RAB38: variants seen among roughly 807,000 people sequenced by gnomAD.
The protein encoded by RAB38 is ras-related protein Rab-38.
In RAB38, 15 loss-of-function variants were observed where a neutral mutation model predicts 18.4. The observed-to-expected ratio is 0.82, with a 90% CI of 0.55 to 1.26. The LOEUF (loss-of-function observed/expected upper bound fraction) is 1.26, where lower values mean the gene tolerates loss of function less well. Ranked by LOEUF, RAB38 falls within the 50% of genes most tolerant of loss-of-function variation. The pLI is 0.00. For missense variants in RAB38, 294 were observed against 267.4 expected, an observed-to-expected ratio of 1.10 and a Z score of -0.69; for synonymous variants, 101 against 104.4, an observed-to-expected ratio of 0.97 and a Z score of 0.20.
the RAB38 span, among the ~76,000 whole-genome samples, chr11:87,924,032 G>GAC: frequency 0.041 from 6,117 of 148,876 alleles, 201 homozygotes; most frequent in East Asian, 0.21. Flanking sequence ...AGTAAATACA[G>GAC]ACACACACAC....
At chr11:88,029,066 G>A in the RAB38 span, among the ~76,000 whole-genome samples, 1 of 151,878 alleles carries the variant, frequency 6.6e-6, no homozygotes, top group African/African-American at 2.4e-5. Flanking sequence ...GAGAGTGGGG[G>A]CCAATATTCA....
the RAB38 span, among the ~76,000 whole-genome samples, chr11:87,866,920 C>G: frequency 1.3e-5 from 2 of 151,770 alleles, no homozygotes; most frequent in Admixed American, 1.3e-4. Context: ...TACCAAACAC[C>G]TTTCCCTATA....
At chr11:87,947,346 C>T in the RAB38 span, among the ~76,000 whole-genome samples, 1 of 150,996 alleles carries the variant, frequency 6.6e-6, no homozygotes, top group Non-Finnish European at 1.5e-5. Context: ...GCTGCCTGTT[C>T]ACTCTGATGG....
the RAB38 span, among the ~76,000 whole-genome samples, chr11:87,956,609 T>TA: frequency 6.6e-6 from 1 of 152,230 alleles, no homozygotes; most frequent in South Asian, 2.1e-4. Flanking sequence ...AACTAATTAA[T>TA]AATTTGTGGG....
chr11:88,015,301 A>T, the RAB38 span, among the ~76,000 whole-genome samples: 1 of 152,164 alleles, frequency 6.6e-6, no homozygotes, highest in Admixed American at 6.5e-5. Context: ...GTGGAGACTT[A>T]GTTCCTCAGA....
At chr11:88,023,006 T>C in the RAB38 span, among the ~76,000 whole-genome samples, 1 of 151,934 alleles carries the variant, frequency 6.6e-6, no homozygotes, top group Non-Finnish European at 1.5e-5. Flanking sequence ...TTGGAGGGTA[T>C]AGAGTGAGAG....
chr11:87,844,678 C>G, the RAB38 span, among the ~76,000 whole-genome samples: 1 of 152,210 alleles, frequency 6.6e-6, no homozygotes. Flanking sequence ...TGCTACAACT[C>G]TGCATCTATA....
At chr11:88,005,699 C>A in the RAB38 span, among the ~76,000 whole-genome samples, 1 of 148,442 alleles carries the variant, frequency 6.7e-6, no homozygotes, top group African/African-American at 2.4e-5. Context: ...GAGCTTTTCC[C>A]TGTTTTTTAC....
the RAB38 span, among the ~76,000 whole-genome samples, chr11:88,037,589 C>T: frequency 2.0e-5 from 3 of 152,086 alleles, 1 homozygote; most frequent in South Asian, 6.2e-4. Flanking sequence ...TCGCCACTAC[C>T]ATTTCTGTCA....
the RAB38 span, among the ~76,000 whole-genome samples, chr11:87,818,430 C>T: frequency 1.6e-4 from 24 of 152,144 alleles, no homozygotes; most frequent in African/African-American, 5.8e-4. Context: ...ATTTTTATTA[C>T]CTCCATTTTA....
chr11:88,053,219 CAT>C, the RAB38 span, among the ~76,000 whole-genome samples: 4 of 107,704 alleles, frequency 3.7e-5, no homozygotes, highest in South Asian at 2.8e-4. Context: ...TATATACACA[CAT>C]ATATATGGAA....
the RAB38 span, among the ~76,000 whole-genome samples, chr11:88,056,803 CAATAAATAAATA>C: frequency 8.2e-6 from 1 of 121,292 alleles, no homozygotes; most frequent in Non-Finnish European, 1.9e-5. Flanking sequence ...GACTCCGTCT[CAATAAATAAATA>C]AATAAATAAA....
chr11:87,868,427 C>G, the RAB38 span, among the ~76,000 whole-genome samples: 1 of 151,524 alleles, frequency 6.6e-6, no homozygotes, highest in African/African-American at 2.4e-5. Flanking sequence ...AAACCATGAG[C>G]CAATAAACTT....
chr11:88,147,293 T>G (rs535705230), intron 2 of RAB38, among the ~76,000 whole-genome samples: 4 of 152,164 alleles, frequency 2.6e-5, no homozygotes, highest in Non-Finnish European at 5.9e-5. Flanking sequence ...ATAATATTTA[T>G]TGACTGAATG....
At chr11:88,074,394 T>C in the RAB38 span, among the ~76,000 whole-genome samples, 1 of 152,252 alleles carries the variant, frequency 6.6e-6, no homozygotes, top group African/African-American at 2.4e-5. Context: ...AAAGACTAAA[T>C]ATGGGGAAAT....
At chr11:88,169,029 G>C (rs544534882) in intron 1 of RAB38, among the ~76,000 whole-genome samples, 41 of 152,332 alleles carry the variant, frequency 2.7e-4, no homozygotes, top group Admixed American at 5.9e-4. Context: ...CTGAGAACTG[G>C]AGGAGGCAGA....
At chr11:88,027,970 G>C in the RAB38 span, among the ~76,000 whole-genome samples, 1 of 152,196 alleles carries the variant, frequency 6.6e-6, no homozygotes, top group Non-Finnish European at 1.5e-5. Context: ...CTAACTGGGA[G>C]GCACCCCCCA....
the RAB38 span, among the ~76,000 whole-genome samples, chr11:88,019,384 C>A: frequency 6.6e-6 from 1 of 152,078 alleles, no homozygotes; most frequent in African/African-American, 2.4e-5. Flanking sequence ...CACCCAGAGT[C>A]CAATTCATTC....
At chr11:87,948,873 G>C in the RAB38 span, among the ~76,000 whole-genome samples, 412 of 151,232 alleles carry the variant, frequency 2.7e-3, 2 homozygotes, top group African/African-American at 8.8e-3. Context: ...GTCTCTGCCC[G>C]GCTTTGGTAT....
Sources: allele counts gnomAD v4.1 joint callset (sites outside exome capture counted in the v4.1 genomes callset), GRCh38; gene constraint gnomAD v4.1.1; transcripts MANE v1.5; gene names NCBI Gene and HGNC (gene_info 2026-07-23, HGNC 2026-07-21).